Variants in INPP5F observed in about 807,000 individuals in gnomAD.
INPP5F encodes phosphatidylinositide 4-phosphatase SAC2.
A neutral mutation model predicts 137.2 loss-of-function variants in INPP5F; 97 were observed. The ratio of observed to expected loss-of-function variants is 0.71; its 90% CI spans 0.60 to 0.84. The LOEUF is 0.84. Among genes scored for constraint, INPP5F ranks in the 40% least tolerant of loss-of-function variants. INPP5F has a pLI of 0.00. For synonymous variants in INPP5F, 504 were observed against 476.9 expected (o/e 1.06, Z -0.74); for missense variants, 1,271 against 1,371.9 (o/e 0.93, Z 1.16).
chr10:119,736,384 T>C (rs1471401335), intron 1 of INPP5F, among the ~76,000 whole-genome samples: 1 of 152,212 alleles, frequency 6.6e-6, no homozygotes, highest in African/African-American at 2.4e-5. Context: ...CAGGTTAGTC[T>C]TGAACTTCTG....
intron 1 of INPP5F, among the ~76,000 whole-genome samples, chr10:119,735,996 G>A (rs527576665): frequency 6.6e-6 from 1 of 152,290 alleles, no homozygotes; most frequent in Admixed American, 6.5e-5. Flanking sequence ...CGGGTGTGGT[G>A]GCGAGCGCCG....
chr10:119,789,495 G>A (rs1410405332), intron 3 of INPP5F, among the ~76,000 whole-genome samples: 5 of 152,030 alleles, frequency 3.3e-5, no homozygotes, highest in Non-Finnish European at 7.4e-5. Context: ...AGGAGGGTGG[G>A]GTGTGTACAA....
intron 1 of INPP5F, among the ~76,000 whole-genome samples, chr10:119,729,162 A>G (rs1847977928): frequency 6.6e-6 from 1 of 151,978 alleles, no homozygotes; most frequent in Admixed American, 6.6e-5. Flanking sequence ...CGGGGCGGGC[A>G]GTGGACAGAG....
In INPP5F at chr10:119,726,375, CGGGCGGGGGGCACCCCGGGCCA is replaced by C. The variant is rs1847889060; in HGVS notation, c.97+25_97+46del. 11 of 1,299,910 alleles carry C rather than the reference CGGGCGGGGGGCACCCCGGGCCA, an allele frequency of 8.5e-6. No individual in the cohort carries two copies. Among genetic ancestry groups the C allele is most frequent in the Non-Finnish European group, 9.8e-6 (10 of 1,017,606 alleles). 80.5% of individuals were successfully genotyped at this position (1,299,910 alleles called of 1,614,324 possible). A position where few individuals can be genotyped will look rare whatever the true frequency, so the allele number is the denominator to read the frequency against. ...CTCCGACCCGGTGAGGCTGGCGGTGCGGGCGGGGGGCACCCCGGGCCAGGGCGGGGAGAGGAGGGGGCGCGGC... is the reference window on the plus strand; with the variant it reads ...CTCCGACCCGGTGAGGCTGGCGGTGCGGGCGGGGAGAGGAGGGGGCGCGGC... On this transcript the variant is annotated intron_variant, in intron 1 of 19. Transcript: ENST00000650623.
intron 15 of INPP5F, among the ~76,000 whole-genome samples, chr10:119,812,978 G>T (rs559620016): frequency 6.6e-6 from 1 of 151,518 alleles, no homozygotes; most frequent in African/African-American, 2.4e-5. Context: ...CAGCACACCT[G>T]CATTTTCCTT....
chr10:119,755,574 T>C (rs550112492), intron 2 of INPP5F, among the ~76,000 whole-genome samples: 52 of 152,344 alleles, frequency 3.4e-4, no homozygotes, highest in African/African-American at 1.2e-3. Context: ...CGGAACATAA[T>C]GTCCACCAAA....
chr10:119,821,451 A>G (rs1286960063), intron 16 of INPP5F, among the ~76,000 whole-genome samples: 1 of 152,124 alleles, frequency 6.6e-6, no homozygotes, highest in Non-Finnish European at 1.5e-5. Flanking sequence ...AAGACTCTCA[A>G]TGAACAGTGC....
At chr10:119,783,246 C>G (rs970751973) in intron 3 of INPP5F, among the ~76,000 whole-genome samples, 2 of 152,264 alleles carry the variant, frequency 1.3e-5, no homozygotes, top group South Asian at 4.1e-4. Flanking sequence ...AGTAAATTTG[C>G]TGGCAGTGTC....
intron 1 of INPP5F, among the ~76,000 whole-genome samples, chr10:119,742,817 A>G (rs1197731660): frequency 6.6e-6 from 1 of 151,736 alleles, no homozygotes; most frequent in Non-Finnish European, 1.5e-5. Flanking sequence ...ACATGGTGAA[A>G]CCTCGTCTCT....
chr10:119,815,165 C>T (rs1403990889), intron 15 of INPP5F: 1 of 152,448 alleles, frequency 6.6e-6, no homozygotes, highest in Non-Finnish European at 1.5e-5. Flanking sequence ...GTGCCCAGCC[C>T]TCTACTTCTT....
At chr10:119,795,085 C>A (rs1201031867) in intron 6 of INPP5F, among the ~76,000 whole-genome samples, 8 of 128,984 alleles carry the variant, frequency 6.2e-5, no homozygotes, top group South Asian at 2.7e-4. Flanking sequence ...GCTGACCCCC[C>A]CACCTCCCTC....
At chr10:119,749,756 C>CT (rs1231225425) in intron 1 of INPP5F, among the ~76,000 whole-genome samples, 1 of 152,166 alleles carries the variant, frequency 6.6e-6, no homozygotes, top group African/African-American at 2.4e-5. Context: ...TTATAATAGC[C>CT]TTTAAAAAAT....
intron 1 of INPP5F, among the ~76,000 whole-genome samples, chr10:119,747,187 G>A (rs559995915): frequency 2.6e-5 from 4 of 151,998 alleles, no homozygotes; most frequent in Admixed American, 2.6e-4. Flanking sequence ...CATCAAATTA[G>A]CAAAATTAGA....
intron 2 of INPP5F, among the ~76,000 whole-genome samples, chr10:119,755,298 T>C (rs531315669): frequency 6.6e-6 from 1 of 152,318 alleles, no homozygotes; most frequent in Non-Finnish European, 1.5e-5. Flanking sequence ...GGTTGGTTCC[T>C]CCCGAAGCCT....
At chr10:119,798,717 C>T in intron 9 of INPP5F, 107 bp downstream of exon 9, 1 of 562,862 alleles carries the variant, frequency 1.8e-6, no homozygotes, top group South Asian at 2.9e-5. Context: ...AAGCATTTGT[C>T]ATGAAGTTTA....
intron 1 of INPP5F, among the ~76,000 whole-genome samples, chr10:119,742,304 G>A (rs1295915175): frequency 2.6e-5 from 4 of 151,958 alleles, no homozygotes; most frequent in African/African-American, 7.3e-5. Flanking sequence ...ACAGGCACTC[G>A]CCACCATGCC....
At chr10:119,727,538 C>T (rs1564794320) in intron 1 of INPP5F, among the ~76,000 whole-genome samples, 1 of 152,228 alleles carries the variant, frequency 6.6e-6, no homozygotes, top group Non-Finnish European at 1.5e-5. Context: ...GAGACACTGA[C>T]ACAGGGCAGT....
intron 1 of INPP5F, among the ~76,000 whole-genome samples, chr10:119,747,912 TA>T (rs1564806081): frequency 6.6e-6 from 1 of 152,206 alleles, no homozygotes; most frequent in Non-Finnish European, 1.5e-5. Flanking sequence ...AAAAATTACT[TA>T]AAAAACTATA....
intron 2 of INPP5F, among the ~76,000 whole-genome samples, chr10:119,759,985 C>T (rs899098405): frequency 2.6e-5 from 4 of 152,154 alleles, no homozygotes; most frequent in Non-Finnish European, 5.9e-5. Flanking sequence ...GCAGATGGTT[C>T]CACCTCCCGG....
Sources: allele counts gnomAD v4.1 joint callset (sites outside exome capture counted in the v4.1 genomes callset), GRCh38; gene constraint gnomAD v4.1.1; transcripts MANE v1.5; gene names NCBI Gene and HGNC (gene_info 2026-07-23, HGNC 2026-07-21).